CSMD2: variants seen among roughly 807,000 people sequenced by gnomAD.
CSMD2 encodes CUB and Sushi multiple domains 2.
CSMD2 carries 130 observed loss-of-function variants against 398.5 expected under a neutral mutation model. That is an observed-to-expected ratio of 0.33 (90% CI 0.28 to 0.38). The LOEUF is 0.38. Among genes scored for constraint, CSMD2 ranks in the 10% least tolerant of loss-of-function variants. The pLI is 1.00. For synonymous variants in CSMD2, 1,828 were observed against 1,908.5 expected, an observed-to-expected ratio of 0.96 and a Z score of 1.10; for missense variants, 3,829 against 4,764.9, an observed-to-expected ratio of 0.80 and a Z score of 5.78.
chr1:33,987,744 C>T (rs538664330), intron 3 of CSMD2, among the ~76,000 whole-genome samples: 20 of 152,176 alleles, frequency 1.3e-4, no homozygotes, highest in Non-Finnish European at 2.6e-4. Flanking sequence ...ACAGACTCTT[C>T]ATCACTTTAC....
intron 47 of CSMD2, 66 bp downstream of exon 47, chr1:33,583,573 ACTC>A (rs1557574918): frequency 6.8e-7 from 1 of 1,475,244 alleles, no homozygotes; most frequent in African/African-American, 1.4e-5. Flanking sequence ...TGCAGCACAG[ACTC>A]CTCGGGTTCT....
At chr1:33,706,430 C>T (rs1571288120) in intron 22 of CSMD2, among the ~76,000 whole-genome samples, 1 of 152,176 alleles carries the variant, frequency 6.6e-6, no homozygotes, top group South Asian at 2.1e-4. Flanking sequence ...AATCTCTCCT[C>T]ATCTCAGATT....
intron 12 of CSMD2, among the ~76,000 whole-genome samples, chr1:33,775,953 G>C (rs1450873941): frequency 1.3e-5 from 2 of 152,154 alleles, no homozygotes; most frequent in East Asian, 3.9e-4. Context: ...CTGCAGGGAA[G>C]TTTACATAGG....
chr1:33,619,938 A>G (rs1641657595), intron 37 of CSMD2, among the ~76,000 whole-genome samples: 1 of 152,210 alleles, frequency 6.6e-6, no homozygotes, highest in African/African-American at 2.4e-5. Context: ...AGTAGTTGCA[A>G]CTAACTAGAC....
chr1:33,956,077 G>A (rs1235370745), intron 3 of CSMD2, among the ~76,000 whole-genome samples: 2 of 152,062 alleles, frequency 1.3e-5, no homozygotes, highest in East Asian at 3.9e-4. Flanking sequence ...CCAACTATGA[G>A]ATCCTGGCTC....
chr1:33,572,530 GGTTGC>G lies in CSMD2; in HGVS notation c.7733_7737del (p.Ser2578ThrfsTer14). On this transcript the variant is annotated frameshift_variant, in exon 50 of 71. Coordinates refer to ENST00000373381, the MANE Select transcript of CSMD2 (RefSeq NM_001281956.2). LOFTEE classifies it high-confidence loss of function. ...CGGACACACTGTGGTGGGACATTGCGGTTGCTCCATAGGCCTGTGTCCAGACACTC... is the reference window on the plus strand; with the variant it reads ...CGGACACACTGTGGTGGGACATTGCGTCCATAGGCCTGTGTCCAGACACTC... 1 of 1,609,812 alleles carries G rather than the reference GGTTGC, an allele frequency of 6.2e-7. No homozygotes were observed. Among genetic ancestry groups the G allele is most frequent in the Non-Finnish European group, 8.5e-7 (1 of 1,177,354 alleles).
intron 22 of CSMD2, among the ~76,000 whole-genome samples, chr1:33,707,885 A>T (rs891297651): frequency 6.6e-6 from 1 of 152,246 alleles, no homozygotes; most frequent in Non-Finnish European, 1.5e-5. Context: ...GATTTTCCAG[A>T]GTAGTGGGCT....
rs1656851636 is a variant in CSMD2 at position 33,546,039 on chromosome 1, C to T, written c.9098G>A (p.Gly3033Glu). ...AGCAGAATGGTCACATACATTACCT[C>T]CACACTCAGGCTGCGAGCCGCTCCA... ...GSWSGSQPEC[G>E]VISCGNPGTP... Residue 3033 changes from glycine to glutamate, a missense_variant and splice_region_variant, in exon 57 of 71, where the codon GGA becomes GAA. By Grantham distance (98) the Gly-to-Glu change is moderately conservative. This residue lies in a region of CSMD2 where 917 missense variants were observed against 1,199.5 expected (regional missense o/e 0.76). Transcript: ENST00000373381. The T allele has an allele frequency of 5.6e-6, 9 of 1,611,724 alleles. No homozygotes were observed. The highest frequency in any genetic ancestry group is 7.6e-6 in the Non-Finnish European group (9 of 1,178,452).
intron 9 of CSMD2, among the ~76,000 whole-genome samples, chr1:33,818,632 G>C (rs754544324): frequency 1.3e-5 from 2 of 152,190 alleles, no homozygotes; most frequent in African/African-American, 2.4e-5. Flanking sequence ...TAGAATCCTT[G>C]AGATAATATA....
intron 3 of CSMD2, among the ~76,000 whole-genome samples, chr1:34,019,111 C>G (rs924696468): frequency 3.9e-5 from 6 of 152,176 alleles, no homozygotes; most frequent in Admixed American, 3.3e-4. Flanking sequence ...GGGCCTACCT[C>G]AAAGGACTGC....
chr1:34,044,352 T>C (rs1273898891), intron 2 of CSMD2, among the ~76,000 whole-genome samples: 1 of 152,212 alleles, frequency 6.6e-6, no homozygotes, highest in Non-Finnish European at 1.5e-5. Flanking sequence ...GCTAAGTCAA[T>C]GTAAACCTTC....
chr1:33,882,615 C>A (rs1641311099), intron 5 of CSMD2, among the ~76,000 whole-genome samples: 1 of 152,180 alleles, frequency 6.6e-6, no homozygotes, highest in Admixed American at 6.5e-5. Context: ...CATGAGTTCA[C>A]TGCAGAGGTC....
intron 10 of CSMD2, 112 bp downstream of exon 10, chr1:33,810,631 G>T: frequency 1.9e-6 from 2 of 1,063,310 alleles, no homozygotes; most frequent in Non-Finnish European, 2.7e-6. Flanking sequence ...TAAAAGAACT[G>T]TCTGCAGAGA....
At chr1:34,142,692 C>G (rs1410810999) in intron 1 of CSMD2, among the ~76,000 whole-genome samples, 2 of 152,176 alleles carry the variant, frequency 1.3e-5, no homozygotes. Context: ...CAACATTTAC[C>G]AACCATGTGT....
intron 3 of CSMD2, among the ~76,000 whole-genome samples, chr1:33,974,652 C>A (rs971927557): frequency 6.6e-6 from 1 of 152,178 alleles, no homozygotes; most frequent in Non-Finnish European, 1.5e-5. Context: ...GTCCCAAAGT[C>A]AGAGGCTGAG....
chr1:33,918,037 C>G, intron 5 of CSMD2, 57 bp downstream of exon 5: 1 of 1,515,144 alleles, frequency 6.6e-7, no homozygotes, highest in Non-Finnish European at 9.1e-7. Context: ...TGCAAGCATC[C>G]CAGTAATTCA....
At chr1:34,009,469 G>A (rs1647174113) in intron 3 of CSMD2, among the ~76,000 whole-genome samples, 1 of 151,904 alleles carries the variant, frequency 6.6e-6, no homozygotes, top group African/African-American at 2.4e-5. Context: ...TTACCCTGCT[G>A]ACACCACTCC....
rs1384869792 is a variant in CSMD2 at position 33,550,282 on chromosome 1, C to T, written c.8812G>A (p.Ala2938Thr). ...QMSGDSYTVG[A>T]VVRYSCIGKR... The stretch of plus-strand genomic sequence containing the variant: ...CCGATGCAGCTGTACCGCACCACTG[C>T]TCCCACAGTATAACTGTCTCCAGAC... Residue 2938 changes from alanine (A) to threonine (T), a missense_variant, in exon 56 of 71, where the codon GCA (alanine) becomes ACA (threonine). Physicochemically the swap from Ala to Thr is moderately conservative, Grantham distance 58 (BLOSUM62 0). Around this residue, in one of 5 missense-constraint regions of CSMD2, gnomAD observed 917 missense variants for 1,199.5 expected, o/e 0.76. Coordinates refer to ENST00000373381, the MANE Select transcript of CSMD2 (RefSeq NM_001281956.2). 5.6e-6 allele frequency: 9 copies of T among 1,614,146 alleles called. No homozygotes were observed. The highest frequency in any genetic ancestry group is 1.6e-4 in the Middle Eastern group (1 of 6,084).
intron 53 of CSMD2, among the ~76,000 whole-genome samples, chr1:33,562,697 G>C (rs1311739428): frequency 6.6e-6 from 1 of 152,196 alleles, no homozygotes; most frequent in Non-Finnish European, 1.5e-5. Context: ...TTTTAGATGA[G>C]ATAACATTTC....
Sources: gnomAD v4.1 joint callset for allele counts (sites outside exome capture counted in the v4.1 genomes callset) on GRCh38, gnomAD v4.1.1 for gene constraint, gnomAD v4.1.1 regional missense constraint, MANE v1.5 for transcripts, NCBI Gene and HGNC (gene_info 2026-07-23, HGNC 2026-07-21) for gene names.